SYNPR: variants seen among roughly 807,000 people sequenced by gnomAD.
SYNPR encodes synaptoporin.
In SYNPR, 23 loss-of-function variants were observed where a neutral mutation model predicts 32.9. The observed-to-expected ratio is 0.70, with a 90% confidence interval of 0.50 to 0.99. SYNPR has a LOEUF of 0.99. Among genes scored for constraint, SYNPR ranks in the 50% least tolerant of loss-of-function variants. The pLI, the probability that SYNPR is intolerant of heterozygous loss-of-function variation, is 0.00. For missense variants in SYNPR, 318 were observed against 349.3 expected (o/e 0.91, Z 0.71); for synonymous variants, 146 against 135.9 (o/e 1.07, Z -0.52).
At chr3:63,294,139 C>G (rs981013241) in intron 2 of SYNPR, among the ~76,000 whole-genome samples, 1 of 152,080 alleles carries the variant, frequency 6.6e-6, no homozygotes, top group African/African-American at 2.4e-5. Context: ...TAACTAATTC[C>G]TAACTTAGGT....
intron 3 of SYNPR, among the ~76,000 whole-genome samples, chr3:63,549,359 TAAG>T: frequency 6.6e-6 from 1 of 152,302 alleles, no homozygotes; most frequent in East Asian, 1.9e-4. Context: ...GCTGGAAATC[TAAG>T]GATGCTGTAA....
chr3:63,342,322 C>A lies in SYNPR; in HGVS notation c.84+63580C>A, dbSNP rs1169939227. ...ATTCTTGTTTGTTTAGCGTTTTAAA[C>A]TGTAATCATTACTGGATTTTGTCTA... On this transcript the variant is annotated intron_variant, in intron 2 of 5. Transcript: ENST00000478300. 2.0e-5 allele frequency among the ~76,000 whole-genome samples: 3 copies of A among 152,128 alleles called. No individual in the cohort carries two copies. In the East Asian group the frequency reaches 5.8e-4, roughly 29 times the overall value.
intron 2 of SYNPR, among the ~76,000 whole-genome samples, chr3:63,348,242 G>C (rs1030608518): frequency 6.6e-6 from 1 of 151,940 alleles, no homozygotes; most frequent in Non-Finnish European, 1.5e-5. Flanking sequence ...GAATGATATC[G>C]CACCATGGTT....
At chr3:63,586,949 T>C (rs1447200984) in intron 4 of SYNPR, among the ~76,000 whole-genome samples, 1 of 151,988 alleles carries the variant, frequency 6.6e-6, no homozygotes, top group Non-Finnish European at 1.5e-5. Context: ...AAAAGAAATA[T>C]TCACACATGC....
intron 2 of SYNPR, among the ~76,000 whole-genome samples, chr3:63,349,098 A>G (rs1469393642): frequency 3.4e-5 from 5 of 149,220 alleles, no homozygotes; most frequent in South Asian, 4.5e-4. Flanking sequence ...TGATAATTTT[A>G]ACAACATTAA....
intron 3 of SYNPR, among the ~76,000 whole-genome samples, chr3:63,554,825 C>G (rs1702566753): frequency 6.6e-6 from 1 of 152,044 alleles, no homozygotes; most frequent in Non-Finnish European, 1.5e-5. Flanking sequence ...TTTAGTGATA[C>G]TGATTCTTCC....
chr3:63,371,770 C>T (rs1482284276), intron 2 of SYNPR, among the ~76,000 whole-genome samples: 2 of 152,218 alleles, frequency 1.3e-5, no homozygotes, highest in Non-Finnish European at 2.9e-5. Flanking sequence ...CCACTCTGGC[C>T]CCACCTCAAC....
At chr3:63,335,580 C>T (rs2087281659) in intron 2 of SYNPR, among the ~76,000 whole-genome samples, 1 of 151,940 alleles carries the variant, frequency 6.6e-6, no homozygotes, top group Admixed American at 6.6e-5. Context: ...AAACTGTTAA[C>T]CTGAGAGCTT....
chr3:63,594,631 T>C (rs914113561), intron 4 of SYNPR, among the ~76,000 whole-genome samples: 19 of 152,112 alleles, frequency 1.2e-4, no homozygotes, highest in African/African-American at 4.6e-4. Context: ...TACAATAGTA[T>C]CTACCCCAAA....
At chr3:63,534,660 T>C (rs929925591) in intron 3 of SYNPR, among the ~76,000 whole-genome samples, 2 of 152,140 alleles carry the variant, frequency 1.3e-5, no homozygotes. Flanking sequence ...GGCTTACAGT[T>C]CTAGTGGCTA....
At chr3:63,350,221 C>CAT (rs935872588) in intron 2 of SYNPR, among the ~76,000 whole-genome samples, 2 of 145,288 alleles carry the variant, frequency 1.4e-5, no homozygotes, top group African/African-American at 5.1e-5. Context: ...TCTACACACA[C>CAT]ACACACACAC....
intron 2 of SYNPR, among the ~76,000 whole-genome samples, chr3:63,279,254 G>C (rs1323663722): frequency 6.6e-6 from 1 of 152,158 alleles, no homozygotes; most frequent in South Asian, 2.1e-4. Flanking sequence ...GGGAGCTTCA[G>C]GGAGGGAAAG....
chr3:63,541,271 A>G (rs565287984), intron 3 of SYNPR, among the ~76,000 whole-genome samples: 4 of 151,836 alleles, frequency 2.6e-5, no homozygotes, highest in Non-Finnish European at 5.9e-5. Flanking sequence ...TTGACAATAA[A>G]CAAGAGACAC....
At chr3:63,290,469 C>T (rs2086727885) in intron 2 of SYNPR, among the ~76,000 whole-genome samples, 1 of 152,120 alleles carries the variant, frequency 6.6e-6, no homozygotes, top group South Asian at 2.1e-4. Flanking sequence ...AGCTTAAATG[C>T]CCTCATGACT....
At chr3:63,443,487 T>C (rs1159922508) in intron 2 of SYNPR, 2 of 1,604,000 alleles carry the variant, frequency 1.2e-6, no homozygotes, top group South Asian at 2.2e-5. Context: ...TACAGCTATC[T>C]TGATTTACAG....
the SYNPR span, among the ~76,000 whole-genome samples, chr3:63,205,479 C>T: frequency 7.2e-5 from 11 of 152,278 alleles, no homozygotes; most frequent in South Asian, 1.2e-3. Context: ...TGATATATTC[C>T]CCATCACTTA....
At position 63,592,685 on chromosome 3, in the gene SYNPR, A is replaced by G. The variant is rs185938706; in HGVS notation, c.409-16440A>G. On this transcript the variant is annotated intron_variant, in intron 4 of 5. Coordinates refer to ENST00000478300, the MANE Select transcript of SYNPR (RefSeq NM_001130003.2). ...TTATGTTCTACTGAGTTAAATAAATACGACACAAATTAAAAAATAAATAAA... is the reference window on the plus strand; with the variant it reads ...TTATGTTCTACTGAGTTAAATAAATGCGACACAAATTAAAAAATAAATAAA... Among the ~76,000 whole-genome samples, 74 of 152,222 alleles carry G rather than the reference A, an allele frequency of 4.9e-4. 1 individual carries two copies. The East Asian group carries it at 0.014, about 29-fold the overall frequency.
intron 2 of SYNPR, among the ~76,000 whole-genome samples, chr3:63,388,316 T>A (rs1241520015): frequency 1.3e-5 from 2 of 151,190 alleles, no homozygotes; most frequent in Non-Finnish European, 2.9e-5. Flanking sequence ...GCATCCCCTA[T>A]CCTGTGAATT....
intron 1 of SYNPR, among the ~76,000 whole-genome samples, chr3:63,232,906 C>A (rs1428095729): frequency 6.6e-6 from 1 of 152,084 alleles, no homozygotes; most frequent in Non-Finnish European, 1.5e-5. Context: ...TTTAAAAAAT[C>A]GTATTAAAAA....
Sources: gnomAD v4.1 joint callset for allele counts (sites outside exome capture counted in the v4.1 genomes callset) on GRCh38, gnomAD v4.1.1 for gene constraint, MANE v1.5 for transcripts, NCBI Gene and HGNC (gene_info 2026-07-23, HGNC 2026-07-21) for gene names.